ANKRD13C: variants seen among roughly 807,000 people sequenced by gnomAD.
The protein encoded by ANKRD13C is ankyrin repeat domain 13C.
In ANKRD13C, 16 loss-of-function variants were observed where a neutral mutation model predicts 65.5. That is an observed-to-expected ratio of 0.24 (90% CI 0.17 to 0.37). ANKRD13C has a LOEUF of 0.37. Ranked by LOEUF, ANKRD13C falls within the 10% of genes least tolerant of loss-of-function variation. The pLI is 1.00. For synonymous variants in ANKRD13C, 235 were observed against 238.7 expected (o/e 0.98, Z 0.14); for missense variants, 503 against 655.9 (o/e 0.77, Z 2.55).
chr1:70,354,428 G>A lies in ANKRD13C; in HGVS notation c.-20C>T, dbSNP rs200087453. ...GGTCATCGCCGCCGCCAGGGGCAAG[G>A]GGGGGAATCGGGAGGCTCACCGCTG... On this transcript the variant is annotated 5_prime_UTR_variant, in exon 1 of 13. Transcript: ENST00000370944. The A allele has an allele frequency of 2.5e-6, 4 of 1,600,444 alleles. No individual in the cohort carries two copies. The Middle Eastern group carries it at 7.0e-4, about 282-fold the overall frequency.
rs1169550266 is a variant in ANKRD13C, at chr1:70,299,036, C to CTA, written c.921+1727_921+1728insTA. On this transcript the variant is annotated intron_variant, in intron 7 of 12. Transcript: ENST00000370944. ...TTAGACCAATAGAAGGGAAAAAAGC[C>CTA]ATGTCAGTAAATGTAACATTAGAAG... Among the ~76,000 whole-genome samples the CTA allele has an allele frequency of 3.8e-3, 575 of 152,242 alleles. 3 individuals carry two copies. Among genetic ancestry groups the CTA allele is most frequent in the African/African-American group, 0.013 (527 of 41,532 alleles).
chr1:70,333,096 T>TAGAGCC (rs1463400049), intron 2 of ANKRD13C, among the ~76,000 whole-genome samples: 4 of 152,204 alleles, frequency 2.6e-5, no homozygotes, highest in African/African-American at 9.7e-5. Context: ...AAATAGATTT[T>TAGAGCC]AGAGCCAGGC....
At chr1:70,307,598 A>G in intron 5 of ANKRD13C, among the ~76,000 whole-genome samples, 1 of 152,194 alleles carries the variant, frequency 6.6e-6, no homozygotes, top group Admixed American at 6.5e-5. Flanking sequence ...TCCAGAGAGA[A>G]TATTAACGAA....
At chr1:70,297,805 C>T (rs577982167) in intron 7 of ANKRD13C, among the ~76,000 whole-genome samples, 1 of 149,586 alleles carries the variant, frequency 6.7e-6, no homozygotes, top group South Asian at 2.1e-4. Context: ...CCCAGCTACT[C>T]GGGAGGCTAA....
intron 3 of ANKRD13C, among the ~76,000 whole-genome samples, chr1:70,317,555 C>A (rs1681123957): frequency 6.6e-6 from 1 of 152,004 alleles, no homozygotes; most frequent in Non-Finnish European, 1.5e-5. Flanking sequence ...TTCCCTATAT[C>A]AATCACCAGT....
chr1:70,329,136 T>C (rs996500399), intron 2 of ANKRD13C, among the ~76,000 whole-genome samples: 3 of 151,662 alleles, frequency 2.0e-5, no homozygotes, highest in African/African-American at 7.3e-5. Context: ...GTTAACTACA[T>C]CAAGAAAAAA....
intron 12 of ANKRD13C, among the ~76,000 whole-genome samples, chr1:70,265,952 G>GGAAGGAAGGAAA (rs1678612154): frequency 6.6e-6 from 1 of 151,230 alleles, no homozygotes; most frequent in African/African-American, 2.4e-5. Context: ...AAGGAAGGAA[G>GGAAGGAAGGAAA]GAGGAAGCAA....
chr1:70,297,591 C>T (rs1342398704), intron 7 of ANKRD13C, among the ~76,000 whole-genome samples: 2 of 149,108 alleles, frequency 1.3e-5, no homozygotes, highest in East Asian at 4.1e-4. Flanking sequence ...CGTGCCCAGC[C>T]CATATAGTCC....
chr1:70,344,691 C>T (rs1682453876), intron 1 of ANKRD13C, among the ~76,000 whole-genome samples: 1 of 152,000 alleles, frequency 6.6e-6, no homozygotes, highest in Non-Finnish European at 1.5e-5. Flanking sequence ...GTTCATGACA[C>T]AAAAATTTAT....
intron 1 of ANKRD13C, among the ~76,000 whole-genome samples, chr1:70,344,499 A>G (rs1682447238): frequency 6.6e-6 from 1 of 151,974 alleles, no homozygotes; most frequent in African/African-American, 2.4e-5. Flanking sequence ...TAATCAATAG[A>G]ATGGCTGGCA....
chr1:70,262,971 C>T (rs937837514), intron 12 of ANKRD13C, 124 bp from the exon 13 acceptor site: 1 of 722,948 alleles, frequency 1.4e-6, no homozygotes, highest in Non-Finnish European at 2.0e-6. Flanking sequence ...TACTCAAGAA[C>T]CAGAAGAATT....
chr1:70,320,618 C>A (rs1681264445), intron 3 of ANKRD13C, among the ~76,000 whole-genome samples: 1 of 150,896 alleles, frequency 6.6e-6, no homozygotes, highest in Non-Finnish European at 1.5e-5. Context: ...TATAGGCATG[C>A]CCCACCACAC....
chr1:70,301,023 C>T (rs1558283880), intron 6 of ANKRD13C, 115 bp from the exon 7 acceptor site: 6 of 1,055,726 alleles, frequency 5.7e-6, no homozygotes, highest in Non-Finnish European at 7.7e-6. Flanking sequence ...TACCATATTG[C>T]AAAGTCAAAT....
intron 1 of ANKRD13C, among the ~76,000 whole-genome samples, chr1:70,345,336 G>A (rs1193599202): frequency 1.3e-5 from 2 of 151,988 alleles, no homozygotes; most frequent in Non-Finnish European, 2.9e-5. Context: ...GGCTGAAGCA[G>A]GAGAATCGCT....
chr1:70,281,571 T>G (rs1029831000), intron 9 of ANKRD13C, among the ~76,000 whole-genome samples: 1 of 151,390 alleles, frequency 6.6e-6, no homozygotes, highest in African/African-American at 2.4e-5. Context: ...TTCAGCTTGT[T>G]TTTACTTTTT....
rs2101085014 is a variant in ANKRD13C, at chr1:70,262,607, T to C, written c.*110A>G. 1.6e-6 allele frequency: 2 copies of C among 1,218,782 alleles called. No individual in the cohort carries two copies. The highest frequency in any genetic ancestry group is 2.2e-6 in the Non-Finnish European group (2 of 894,132). The allele number at this position is 1,218,782 out of a possible 1,614,324, so 75.5% of individuals were successfully genotyped here. A position where few individuals can be genotyped will look rare whatever the true frequency, so the allele number is the denominator to read the frequency against. On this transcript the variant is annotated 3_prime_UTR_variant, in exon 13 of 13. Transcript: ENST00000370944. ...TCGTATTACTGATGTGTCGATTCAA[T>C]GTGTAATTCCCTTTTCTTCACTGAA...
chr1:70,294,901 T>G (rs530492882), intron 8 of ANKRD13C, among the ~76,000 whole-genome samples: 39 of 152,308 alleles, frequency 2.6e-4, no homozygotes, highest in African/African-American at 9.1e-4. Flanking sequence ...ATTTCCAGCC[T>G]GCTAGATTGC....
chr1:70,291,253 T>C (rs1011920343), intron 9 of ANKRD13C, among the ~76,000 whole-genome samples: 2 of 152,088 alleles, frequency 1.3e-5, no homozygotes, highest in African/African-American at 4.8e-5. Context: ...ACTCCTGACC[T>C]CAGGTGATCC....
chr1:70,295,592 G>T (rs1680048553), intron 8 of ANKRD13C, among the ~76,000 whole-genome samples: 1 of 151,996 alleles, frequency 6.6e-6, no homozygotes, highest in Admixed American at 6.6e-5. Context: ...ATAACCTCTT[G>T]CTGACAGATA....
Sources: allele counts gnomAD v4.1 joint callset (sites outside exome capture counted in the v4.1 genomes callset), GRCh38; gene constraint gnomAD v4.1.1; transcripts MANE v1.5; gene names NCBI Gene and HGNC (gene_info 2026-07-23, HGNC 2026-07-21).